The following AUTS2 variants were observed in gnomAD, a reference collection of about 807,000 sequenced individuals.
AUTS2 encodes the protein activator of transcription and developmental regulator AUTS2, also known as autism susceptibility gene 2 protein.
Under a neutral mutation model 112.4 loss-of-function variants are expected in AUTS2, and 17 were observed. The ratio of observed to expected loss-of-function variants is 0.15; its 90% CI spans 0.10 to 0.23. AUTS2 has a LOEUF of 0.23. Among genes scored for constraint, AUTS2 ranks in the 10% least tolerant of loss-of-function variants. The pLI, the probability that AUTS2 is intolerant of heterozygous loss-of-function variation, is 1.00. For synonymous variants in AUTS2, 751 were observed against 702.7 expected (o/e 1.07, Z -1.09); for missense variants, 1,510 against 1,701.6 (o/e 0.89, Z 1.98).
intron 1 of AUTS2, among the ~76,000 whole-genome samples, chr7:69,841,552 G>A (rs1791981153): frequency 6.6e-6 from 1 of 152,066 alleles, no homozygotes; most frequent in Non-Finnish European, 1.5e-5. Context: ...AAATAGAAGG[G>A]TTTGAAAAAC....
chr7:69,711,930 G>C (rs1361664681), intron 1 of AUTS2, among the ~76,000 whole-genome samples: 1 of 152,112 alleles, frequency 6.6e-6, no homozygotes, highest in East Asian at 1.9e-4. Flanking sequence ...AATAAGATAA[G>C]ATTGACTTTT....
intron 4 of AUTS2, among the ~76,000 whole-genome samples, chr7:70,419,633 G>GC (rs1795131972): frequency 6.6e-6 from 1 of 152,052 alleles, no homozygotes; most frequent in Admixed American, 6.6e-5. Flanking sequence ...GACTAGTTGA[G>GC]CTAGACAGTA....
At chr7:69,624,970 T>A (rs564362825) in intron 1 of AUTS2, among the ~76,000 whole-genome samples, 110 of 125,062 alleles carry the variant, frequency 8.8e-4, no homozygotes, top group Middle Eastern at 4.4e-3. Flanking sequence ...CCACGCAGAT[T>A]CTCAAAGGTG....
chr7:70,729,886 G>GTATT (rs1787269212), intron 6 of AUTS2, among the ~76,000 whole-genome samples: 1 of 145,170 alleles, frequency 6.9e-6, no homozygotes. Flanking sequence ...ATGTATGTAT[G>GTATT]TATGTATGTA....
In AUTS2 at chr7:70,362,673, C is replaced by T. The variant is rs192606484; in HGVS notation, c.661-73079C>T. On this transcript the variant is annotated intron_variant, in intron 4 of 18. Transcript: ENST00000342771. ...TCTCTTCCTTCCTCCCTCCCTTTCT[C>T]TCTCCTCTTTGATTTTATTTTTTAA... Among the ~76,000 whole-genome samples, 13 of 151,996 alleles carry T rather than the reference C, an allele frequency of 8.6e-5. No homozygotes were observed. The East Asian group carries it at 2.3e-3, about 27-fold the overall frequency.
chr7:70,487,780 A>G (rs1798071897), intron 5 of AUTS2, among the ~76,000 whole-genome samples: 1 of 152,240 alleles, frequency 6.6e-6, no homozygotes, highest in African/African-American at 2.4e-5. Flanking sequence ...GCAAGATTCA[A>G]GGAGAGTAGC....
intron 2 of AUTS2, among the ~76,000 whole-genome samples, chr7:70,107,795 C>A (rs556327023): frequency 6.6e-6 from 1 of 150,674 alleles, no homozygotes; most frequent in Non-Finnish European, 1.5e-5. Flanking sequence ...AGGCAGATCA[C>A]GAGGTCAGGA....
At chr7:69,888,974 G>A (rs1303449910) in intron 1 of AUTS2, among the ~76,000 whole-genome samples, 1 of 152,200 alleles carries the variant, frequency 6.6e-6, no homozygotes, top group Admixed American at 6.5e-5. Flanking sequence ...TCCGAGAGGG[G>A]AAGAGTGATG....
At chr7:70,467,962 C>A (rs1322851306) in intron 5 of AUTS2, among the ~76,000 whole-genome samples, 3 of 152,220 alleles carry the variant, frequency 2.0e-5, no homozygotes, top group Non-Finnish European at 4.4e-5. Flanking sequence ...ATCACCCCAC[C>A]TTCAGATACA....
intron 6 of AUTS2, among the ~76,000 whole-genome samples, chr7:70,707,117 A>G (rs759463371): frequency 6.6e-6 from 1 of 152,218 alleles, no homozygotes; most frequent in African/African-American, 2.4e-5. Flanking sequence ...ACCTTGTACC[A>G]TATTTTGATC....
intron 5 of AUTS2, among the ~76,000 whole-genome samples, chr7:70,620,548 G>T (rs902649785): frequency 1.1e-4 from 17 of 152,106 alleles, no homozygotes; most frequent in African/African-American, 4.1e-4. Context: ...CCAGGGCTTG[G>T]GTTGTAAAAC....
At chr7:69,990,185 A>G (rs1169311340) in intron 2 of AUTS2, among the ~76,000 whole-genome samples, 1 of 152,158 alleles carries the variant, frequency 6.6e-6, no homozygotes, top group Admixed American at 6.5e-5. Context: ...ACTAATGTAT[A>G]TTTCATTGGG....
intron 4 of AUTS2, among the ~76,000 whole-genome samples, chr7:70,153,472 G>A (rs1178605015): frequency 6.6e-6 from 1 of 152,148 alleles, no homozygotes; most frequent in Non-Finnish European, 1.5e-5. Context: ...AACTTTTGTA[G>A]GTGATGGGTA....
intron 2 of AUTS2, among the ~76,000 whole-genome samples, chr7:70,047,781 T>A (rs1169212106): frequency 6.6e-6 from 1 of 151,866 alleles, no homozygotes; most frequent in Non-Finnish European, 1.5e-5. Context: ...GAGGTAGGAT[T>A]TTAAGGAAAT....
chr7:69,861,646 C>A (rs1029191746), intron 1 of AUTS2, among the ~76,000 whole-genome samples: 6 of 152,184 alleles, frequency 3.9e-5, no homozygotes, highest in African/African-American at 1.4e-4. Flanking sequence ...ATTATTAGAG[C>A]AAAGTACTAA....
chr7:69,895,821 A>G (rs1317855769), intron 1 of AUTS2, among the ~76,000 whole-genome samples: 1 of 152,250 alleles, frequency 6.6e-6, no homozygotes, highest in Non-Finnish European at 1.5e-5. Flanking sequence ...CACCTTCAGT[A>G]TGAAAGATTT....
At chr7:70,352,388 A>G (rs1387136703) in intron 4 of AUTS2, among the ~76,000 whole-genome samples, 2 of 152,112 alleles carry the variant, frequency 1.3e-5, no homozygotes, top group Non-Finnish European at 2.9e-5. Context: ...TTCGGCTGCA[A>G]TCCTTTTTTT....
At chr7:69,632,557 T>A in intron 1 of AUTS2, among the ~76,000 whole-genome samples, 1 of 130,940 alleles carries the variant, frequency 7.6e-6, no homozygotes, top group Non-Finnish European at 1.6e-5. Flanking sequence ...CTGCCTCTCC[T>A]CTCCCTCCCC....
At chr7:70,054,409 C>T (rs1200165992) in intron 2 of AUTS2, among the ~76,000 whole-genome samples, 1 of 152,022 alleles carries the variant, frequency 6.6e-6, no homozygotes, top group Non-Finnish European at 1.5e-5. Flanking sequence ...TTCTGTGATA[C>T]TACTAGGCTG....
Sources: allele counts gnomAD v4.1 joint callset (sites outside exome capture counted in the v4.1 genomes callset), GRCh38; gene constraint gnomAD v4.1.1; transcripts MANE v1.5; gene names NCBI Gene and HGNC (gene_info 2026-07-23, HGNC 2026-07-21).